Variants in TNFAIP1 observed in about 807,000 individuals in gnomAD.
The protein encoded by TNFAIP1 is TNF alpha induced protein 1.
Under a neutral mutation model 32.6 loss-of-function variants are expected in TNFAIP1, and 20 were observed. The observed-to-expected ratio is 0.61, with a 90% CI of 0.43 to 0.89. The LOEUF (loss-of-function observed/expected upper bound fraction) is 0.89, where lower values mean the gene tolerates loss of function less well. Among genes scored for constraint, TNFAIP1 ranks in the 40% least tolerant of loss-of-function variants. The pLI is 0.00. For missense variants in TNFAIP1, 319 were observed against 425.1 expected, an observed-to-expected ratio of 0.75 and a Z score of 2.20; for synonymous variants, 166 against 166.8, an observed-to-expected ratio of 1.00 and a Z score of 0.04.
At position 28,336,206 on chromosome 17, in the gene TNFAIP1, C is replaced by T. The variant is rs77466853; in HGVS notation, c.-115+350C>T. The stretch of plus-strand genomic sequence containing the variant: ...GGGTCCTTCTTCCTTTTAGACCCCT[C>T]CTCTTTCCACCTCCGCGGCTGTTTG... On this transcript the variant is annotated intron_variant, in intron 1 of 6. Transcript: ENST00000226225. Among the ~76,000 whole-genome samples the T allele has an allele frequency of 9.7e-4, 147 of 152,330 alleles. 4 individuals are homozygous for T. The East Asian group carries it at 0.021, about 22-fold the overall frequency.
rs1409626325 is a variant in TNFAIP1 at position 28,344,702 on chromosome 17, A to G, written c.*102A>G. 27 of 1,199,620 alleles carry G rather than the reference A, an allele frequency of 2.3e-5. No individual in the cohort carries two copies. Among genetic ancestry groups the G allele is most frequent in the Non-Finnish European group, 2.9e-5 (24 of 835,628 alleles). 74.3% of individuals were successfully genotyped at this position (1,199,620 alleles called of 1,614,324 possible). A position where few individuals can be genotyped will look rare whatever the true frequency, so the allele number is the denominator to read the frequency against. Reference sequence around the variant, plus strand: ...CTGCTGCTGCCTGGGTCTCTGCTCTAGCACCCAGAGGCATGACAGGCCCTG... The same window carrying G: ...CTGCTGCTGCCTGGGTCTCTGCTCTGGCACCCAGAGGCATGACAGGCCCTG... On this transcript the variant is annotated 3_prime_UTR_variant, in exon 7 of 7. Transcript: ENST00000226225.
intron 3 of TNFAIP1, 146 bp from the exon 4 acceptor site, chr17:28,341,091 T>G: frequency 1.2e-6 from 1 of 823,550 alleles, no homozygotes. Context: ...AGCTGGCAGT[T>G]TCTATTGTCA....
intron 6 of TNFAIP1, among the ~76,000 whole-genome samples, 156 bp from the exon 7 acceptor site, chr17:28,344,208 G>A (rs117875630): frequency 2.7e-3 from 416 of 152,242 alleles, no homozygotes; most frequent in Non-Finnish European, 4.6e-3. Context: ...CCCTCACCCC[G>A]CCTTCGGAGG....
intron 1 of TNFAIP1, among the ~76,000 whole-genome samples, chr17:28,336,720 C>G (rs888656732): frequency 1.4e-4 from 22 of 152,278 alleles, no homozygotes; most frequent in African/African-American, 5.3e-4. Flanking sequence ...TGGCAACCTC[C>G]TGGTGAGGGC....
intron 3 of TNFAIP1, 65 bp from the exon 4 acceptor site, chr17:28,341,172 G>T: frequency 6.3e-7 from 1 of 1,575,388 alleles, no homozygotes; most frequent in Non-Finnish European, 8.7e-7. Flanking sequence ...GGCTCCAGAG[G>T]TATACCTCGA....
intron 1 of TNFAIP1, chr17:28,336,525 A>G (rs1338397449): frequency 6.6e-6 from 1 of 152,250 alleles, no homozygotes; most frequent in Middle Eastern, 3.1e-3. Flanking sequence ...TGGCAGGCCT[A>G]TCCTTTGAGC....
At position 28,346,395 on chromosome 17, in the gene TNFAIP1, T is replaced by G. The variant is rs1555578957; in HGVS notation, c.*1795T>G. The G allele has an allele frequency of 1.3e-5, 2 of 152,352 alleles. No individual in the cohort carries two copies. The highest frequency in any genetic ancestry group is 6.5e-5 in the Admixed American group (1 of 15,308). 9.4% of individuals were successfully genotyped at this position (152,352 alleles called of 1,614,324 possible). A position where few individuals can be genotyped will look rare whatever the true frequency, so the allele number is the denominator to read the frequency against. On this transcript the variant is annotated 3_prime_UTR_variant, in exon 7 of 7. Coordinates refer to ENST00000226225, the MANE Select transcript of TNFAIP1 (RefSeq NM_021137.5). ...GAGACCACTGGCCTATTTTCTCAGC[T>G]GCCCTCTTGAGGTCCTTTAACACTC...
In TNFAIP1 at chr17:28,345,720, CTTGG is replaced by C. The variant is rs1907531371; in HGVS notation, c.*1126_*1129del. The C allele has an allele frequency of 6.6e-6, 1 of 152,322 alleles. No individual in the cohort carries two copies. The highest frequency in any genetic ancestry group is 1.5e-5 in the Non-Finnish European group (1 of 68,108). 9.4% of individuals were successfully genotyped at this position (152,322 alleles called of 1,614,324 possible). A position where few individuals can be genotyped will look rare whatever the true frequency, so the allele number is the denominator to read the frequency against. Reference sequence around the variant, plus strand: ...ACTCCCTGCCCACACCATCTATGCTCTTGGTTGGTGCTGGCTGGGATGGCGGTTC... The same window carrying C: ...ACTCCCTGCCCACACCATCTATGCTCTTGGTGCTGGCTGGGATGGCGGTTC... On this transcript the variant is annotated 3_prime_UTR_variant, in exon 7 of 7. Coordinates refer to ENST00000226225, the MANE Select transcript of TNFAIP1 (RefSeq NM_021137.5).
intron 3 of TNFAIP1, 86 bp from the exon 4 acceptor site, chr17:28,341,151 C>A: frequency 1.4e-6 from 2 of 1,425,188 alleles, no homozygotes; most frequent in Non-Finnish European, 2.0e-6. Flanking sequence ...AGCGGGTGGC[C>A]ATGGCAGAGG....
chr17:28,341,400 A>G lies in TNFAIP1; in HGVS notation c.466-4A>G. The G allele has an allele frequency of 6.2e-7, 1 of 1,614,232 alleles. No individual in the cohort carries two copies. Among genetic ancestry groups the G allele is most frequent in the Non-Finnish European group, 8.5e-7 (1 of 1,180,044 alleles). ...CTGGCCCCTCACTCTGAACTCCTTC[A>G]CAGCCCGTGGTGAAGCTGCTGTACA... On this transcript the variant is annotated splice_region_variant and splice_polypyrimidine_tract_variant and intron_variant, in intron 4 of 6. Transcript: ENST00000226225.
At chr17:28,339,879 G>A (rs1257842219) in intron 2 of TNFAIP1, among the ~76,000 whole-genome samples, 153 bp downstream of exon 2, 1 of 152,192 alleles carries the variant, frequency 6.6e-6, no homozygotes, top group Non-Finnish European at 1.5e-5. Flanking sequence ...CTGTGAAATT[G>A]TATATGGAAT....
chr17:28,341,535 G>A (rs1052955818), intron 5 of TNFAIP1, 79 bp downstream of exon 5: 38 of 1,528,936 alleles, frequency 2.5e-5, no homozygotes, highest in Non-Finnish European at 3.0e-5. Context: ...CACGGTCGGC[G>A]TGGGTCTGGG....
At chr17:28,336,205 T>A (rs1456996859) in intron 1 of TNFAIP1, among the ~76,000 whole-genome samples, 2 of 152,222 alleles carry the variant, frequency 1.3e-5, no homozygotes, top group African/African-American at 4.8e-5. Context: ...TTTAGACCCC[T>A]CCTCTTTCCA....
rs1907381484 is a variant in TNFAIP1, at chr17:28,342,101, C to T, written c.519-146C>T. ...CCAACCCAGAGGGTACCCTATGATC[C>T]TTTCTCTCCTGGCCCCCTGGCATCT... On this transcript the variant is annotated intron_variant, in intron 5 of 6. Transcript: ENST00000226225. The surrounding 1 kb of genome is among the most constrained non-coding windows in gnomAD (Gnocchi z 4.0). 1 of 730,950 alleles carries T rather than the reference C, an allele frequency of 1.4e-6. No homozygotes were observed. Among genetic ancestry groups the T allele is most frequent in the East Asian group, 2.7e-5 (1 of 36,690 alleles). The allele number at this position is 730,950 out of a possible 1,614,324, so 45.3% of individuals were successfully genotyped here. A position where few individuals can be genotyped will look rare whatever the true frequency, so the allele number is the denominator to read the frequency against.
In TNFAIP1 at chr17:28,345,460, C is replaced by T. The variant is rs2142388770; in HGVS notation, c.*860C>T. 6.6e-6 allele frequency: 1 copy of T among 152,422 alleles called. No individual in the cohort carries two copies. The highest frequency in any genetic ancestry group is 1.9e-4 in the East Asian group (1 of 5,190). 9.4% of individuals were successfully genotyped at this position (152,422 alleles called of 1,614,324 possible). On this transcript the variant is annotated 3_prime_UTR_variant, in exon 7 of 7. Transcript: ENST00000226225. The stretch of plus-strand genomic sequence containing the variant: ...CACATCATAGTCACATCACTGACTC[C>T]TAGGTCTAGCACGACTGCTCTTTGT...
At position 28,346,143 on chromosome 17, in the gene TNFAIP1, A is replaced by G. The variant is rs1420824606; in HGVS notation, c.*1543A>G. The stretch of plus-strand genomic sequence containing the variant: ...GTTAGACACAAGGACCTGAAGTGAC[A>G]TGACGGCGGGACAGGGGAAATGTGA... On this transcript the variant is annotated 3_prime_UTR_variant, in exon 7 of 7. Coordinates refer to ENST00000226225, the MANE Select transcript of TNFAIP1 (RefSeq NM_021137.5). The G allele has an allele frequency of 2.0e-5, 3 of 152,256 alleles. No individual in the cohort carries two copies. The highest frequency in any genetic ancestry group is 4.4e-5 in the Non-Finnish European group (3 of 68,054). 9.4% of individuals were successfully genotyped at this position (152,256 alleles called of 1,614,324 possible). A position where few individuals can be genotyped will look rare whatever the true frequency, so the allele number is the denominator to read the frequency against.
chr17:28,339,531 G>A lies in TNFAIP1; in HGVS notation c.10G>A (p.Asp4Asn). The part of the protein sequence containing the change: MSG[D>N]TCLCPASGAK... ...CTACCTGCAGCGGGAGATGTCGGGG[G>A]ACACCTGCCTGTGCCCAGCCTCAGG... is the stretch of plus-strand genomic sequence containing the variant. Residue 4 changes from aspartate to asparagine, a missense_variant, in exon 2 of 7, where the codon GAC becomes AAC. Transcript: ENST00000226225. The A allele has an allele frequency of 6.2e-7, 1 of 1,602,158 alleles. No homozygotes were observed. The highest frequency in any genetic ancestry group is 1.3e-5 in the African/African-American group (1 of 74,880).
rs1187524483 is a variant in TNFAIP1 at position 28,345,927 on chromosome 17, C to T, written c.*1327C>T. 1 of 152,200 alleles carries T rather than the reference C, an allele frequency of 6.6e-6. No individual in the cohort carries two copies. Among genetic ancestry groups the T allele is most frequent in the African/African-American group, 2.4e-5 (1 of 41,462 alleles). The allele number at this position is 152,200 out of a possible 1,614,324, so 9.4% of individuals were successfully genotyped here. On this transcript the variant is annotated 3_prime_UTR_variant, in exon 7 of 7. Transcript: ENST00000226225. ...TTGGCTTGGCCAAACCAGAATTCAG[C>T]TTATCTGAATTATTTTCCAAAGGAA...
Position 28,340,246 on chromosome 17 carries a change from C to T in TNFAIP1, c.206-63C>T, listed in dbSNP as rs1445114297. Reference sequence around the variant, plus strand: ...CACCTGCCGCCAGCTTGTCAGGTGGCCTTTGCCTGCCTCGGAGGTACCTGG... The same window carrying T: ...CACCTGCCGCCAGCTTGTCAGGTGGTCTTTGCCTGCCTCGGAGGTACCTGG... On this transcript the variant is annotated intron_variant, in intron 2 of 6. Coordinates refer to ENST00000226225, the MANE Select transcript of TNFAIP1 (RefSeq NM_021137.5). This position sits in a 1 kb window ranked among gnomAD's most constrained non-coding sequence, Gnocchi z 4.1. 7 of 1,571,150 alleles carry T rather than the reference C, an allele frequency of 4.5e-6. No homozygotes were observed. The highest frequency in any genetic ancestry group is 1.4e-5 in the African/African-American group (1 of 74,004).
Sources: allele counts gnomAD v4.1 joint callset (sites outside exome capture counted in the v4.1 genomes callset), GRCh38; gene constraint gnomAD v4.1.1; non-coding constraint Gnocchi (gnomAD v3.1); transcripts MANE v1.5; gene names NCBI Gene and HGNC (gene_info 2026-07-23, HGNC 2026-07-21).